RIMS2: variants seen among roughly 807,000 people sequenced by gnomAD.
RIMS2 encodes the protein regulating synaptic membrane exocytosis protein 2.
Under a neutral mutation model 174.4 loss-of-function variants are expected in RIMS2, and 59 were observed. That is an observed-to-expected ratio of 0.34 (90% CI 0.27 to 0.42). The LOEUF is 0.42. Among genes scored for constraint, RIMS2 ranks in the 10% least tolerant of loss-of-function variants. The probability of loss-of-function intolerance (pLI) is 1.00; values close to 1 mark genes in which losing one functional copy is unlikely to be tolerated. For synonymous variants in RIMS2, 606 were observed against 572.5 expected, an observed-to-expected ratio of 1.06 and a Z score of -0.84; for missense variants, 1,620 against 1,666.3, an observed-to-expected ratio of 0.97 and a Z score of 0.48.
chr8:104,147,494 CA>C (rs1234123824), intron 19 of RIMS2, among the ~76,000 whole-genome samples: 2 of 151,822 alleles, frequency 1.3e-5, no homozygotes, highest in Non-Finnish European at 2.9e-5. Flanking sequence ...TTCTGGAAGA[CA>C]AAGATATTGA....
exon 4 of RIMS2, chr8:103,885,478 T>C (rs1249034939): frequency 6.8e-6 from 11 of 1,612,674 alleles, no homozygotes; most frequent in Non-Finnish European, 6.8e-6. Context: ...ATTTAAGTTA[T>C]AGGGACTCCA....
At chr8:103,882,653 A>G (rs941434656) in intron 3 of RIMS2, among the ~76,000 whole-genome samples, 2 of 151,536 alleles carry the variant, frequency 1.3e-5, no homozygotes, top group Non-Finnish European at 3.0e-5. Context: ...TTTCTGGCAA[A>G]TTTGATAATC....
intron 17 of RIMS2, among the ~76,000 whole-genome samples, chr8:103,993,122 A>G (rs559705780): frequency 6.6e-6 from 1 of 152,162 alleles, no homozygotes; most frequent in South Asian, 2.1e-4. Flanking sequence ...AAAAAAATAT[A>G]TATATATTTT....
chr8:104,061,929 TG>T (rs1293623130), intron 19 of RIMS2, among the ~76,000 whole-genome samples: 1 of 152,092 alleles, frequency 6.6e-6, no homozygotes, highest in East Asian at 1.9e-4. Context: ...GGAAAGCTCC[TG>T]GGAGGTGAAA....
chr8:103,967,239 A>C (rs969373504), intron 15 of RIMS2, among the ~76,000 whole-genome samples: 4 of 132,538 alleles, frequency 3.0e-5, no homozygotes, highest in Non-Finnish European at 6.1e-5. Context: ...GCTGGAGTGC[A>C]ACAGTGCGAT....
chr8:103,900,529 C>T (rs1393360267), intron 4 of RIMS2, among the ~76,000 whole-genome samples: 1 of 152,056 alleles, frequency 6.6e-6, no homozygotes, highest in Non-Finnish European at 1.5e-5. Context: ...GCTATAAATA[C>T]CACTAAATGG....
chr8:103,823,491 T>C (rs960150987), intron 3 of RIMS2, among the ~76,000 whole-genome samples: 3 of 151,952 alleles, frequency 2.0e-5, no homozygotes, highest in African/African-American at 7.2e-5. Context: ...AAAAGTGAAA[T>C]GTAAAGCTTA....
At chr8:104,123,650 CA>C (rs34217523) in intron 19 of RIMS2, among the ~76,000 whole-genome samples, 64,948 of 139,790 alleles carry the variant, frequency 0.46, 14,062 homozygotes, top group South Asian at 0.57. Context: ...TGGTAGATTA[CA>C]AAAAAAAAAA....
intron 14 of RIMS2, among the ~76,000 whole-genome samples, chr8:103,952,257 C>T (rs113901432): frequency 0.13 from 19,846 of 152,210 alleles, 1,725 homozygotes; most frequent in Non-Finnish European, 0.19. Flanking sequence ...GTTTGAGCTC[C>T]GATAAGGGAC....
chr8:104,060,439 G>A (rs866528045), intron 19 of RIMS2, among the ~76,000 whole-genome samples: 10 of 151,770 alleles, frequency 6.6e-5, no homozygotes, highest in South Asian at 2.1e-4. Context: ...TTTTTATTGC[G>A]TCTATTTGAT....
At chr8:104,236,012 T>C (rs1206659564) in intron 19 of RIMS2, among the ~76,000 whole-genome samples, 3 of 152,064 alleles carry the variant, frequency 2.0e-5, no homozygotes, top group East Asian at 3.9e-4. Context: ...TTTCATGACA[T>C]TGACTTTTGA....
At chr8:103,590,550 TG>T (rs2094202272) in intron 1 of RIMS2, among the ~76,000 whole-genome samples, 1 of 151,208 alleles carries the variant, frequency 6.6e-6, no homozygotes, top group African/African-American at 2.4e-5. Context: ...ACAGAAAAGT[TG>T]AAAGAATTTT....
At chr8:104,024,148 G>T (rs1365342728) in intron 19 of RIMS2, among the ~76,000 whole-genome samples, 1 of 152,092 alleles carries the variant, frequency 6.6e-6, no homozygotes, top group African/African-American at 2.4e-5. Flanking sequence ...AGAGGTCAAA[G>T]AAACAGAATA....
intron 1 of RIMS2, among the ~76,000 whole-genome samples, chr8:103,693,912 A>G (rs2097064163): frequency 1.3e-5 from 2 of 152,112 alleles, no homozygotes; most frequent in Admixed American, 1.3e-4. Context: ...GGGGCTGGCT[A>G]GGTGTTGGTA....
intron 1 of RIMS2, among the ~76,000 whole-genome samples, chr8:103,543,309 G>A (rs1051217111): frequency 1.3e-5 from 2 of 152,104 alleles, no homozygotes; most frequent in East Asian, 3.9e-4. Context: ...TAACCAAGGA[G>A]GTGAAAGATA....
chr8:104,023,338 T>C (rs544065020), intron 19 of RIMS2, among the ~76,000 whole-genome samples: 32 of 152,138 alleles, frequency 2.1e-4, no homozygotes, highest in Non-Finnish European at 4.0e-4. Flanking sequence ...GAGAATACCC[T>C]GAAGAATTAA....
At chr8:104,229,367 A>G (rs1180144268) in intron 19 of RIMS2, among the ~76,000 whole-genome samples, 1 of 142,456 alleles carries the variant, frequency 7.0e-6, no homozygotes, top group Non-Finnish European at 1.5e-5. Context: ...AATGCTGTGT[A>G]TATATAATAT....
intron 3 of RIMS2, among the ~76,000 whole-genome samples, chr8:103,831,581 TTGCTTTCA>T (rs2098826289): frequency 6.6e-6 from 1 of 152,356 alleles, no homozygotes; most frequent in African/African-American, 2.4e-5. Context: ...CCTTTGCTTT[TTGCTTTCA>T]TAATGATATG....
downstream of RIMS2, chr8:104,252,628 C>A (rs1472706782): frequency 6.6e-6 from 1 of 151,854 alleles, no homozygotes; most frequent in East Asian, 1.9e-4. Flanking sequence ...AGAGAGAATG[C>A]AACAGGGTGA....
Sources: gnomAD v4.1 joint callset for allele counts (sites outside exome capture counted in the v4.1 genomes callset) on GRCh38, gnomAD v4.1.1 for gene constraint, MANE v1.5 for transcripts, NCBI Gene and HGNC (gene_info 2026-07-23, HGNC 2026-07-21) for gene names.